The following TBC1D9 variants were observed in gnomAD, a reference collection of about 807,000 sequenced individuals.
TBC1D9 encodes TBC1 domain family member 9A.
Under a neutral mutation model 132.0 loss-of-function variants are expected in TBC1D9, and 63 were observed. The ratio of observed to expected loss-of-function variants is 0.48; its 90% confidence interval spans 0.39 to 0.59. TBC1D9 has a LOEUF of 0.59. Among genes scored for constraint, TBC1D9 ranks in the 20% least tolerant of loss-of-function variants. The pLI is 0.00. For synonymous variants in TBC1D9, 610 were observed against 609.9 expected (o/e 1.00, Z 0.00); for missense variants, 1,261 against 1,592.7 (o/e 0.79, Z 3.54).
intron 18 of TBC1D9, 40 bp from the exon 19 acceptor site, chr4:140,624,428 T>C (rs1260287965): frequency 1.3e-6 from 2 of 1,556,872 alleles, no homozygotes; most frequent in East Asian, 2.3e-5. Flanking sequence ...TAGAATGTTA[T>C]ATAATATGAC....
chr4:140,721,174 T>G (rs1160628358), intron 1 of TBC1D9, among the ~76,000 whole-genome samples: 1 of 152,162 alleles, frequency 6.6e-6, no homozygotes, highest in Admixed American at 6.5e-5. Context: ...TAAATCTTGT[T>G]TATATTCTGG....
chr4:140,651,472 A>T (rs577660714), intron 13 of TBC1D9, among the ~76,000 whole-genome samples: 1 of 152,362 alleles, frequency 6.6e-6, no homozygotes, highest in South Asian at 2.1e-4. Flanking sequence ...CAATAACAAC[A>T]AAACAATCTC....
intron 2 of TBC1D9, 91 bp from the exon 3 acceptor site, chr4:140,686,553 C>A: frequency 2.6e-6 from 2 of 776,238 alleles, no homozygotes; most frequent in Non-Finnish European, 4.3e-6. Context: ...TCTATACCAT[C>A]AAAGGAGACT....
At chr4:140,752,386 A>T (rs1738939767) in intron 1 of TBC1D9, among the ~76,000 whole-genome samples, 1 of 152,122 alleles carries the variant, frequency 6.6e-6, no homozygotes, top group African/African-American at 2.4e-5. Context: ...ACCAAAATAT[A>T]GTGTTTAGGG....
At chr4:140,632,919 A>G (rs989706083) in intron 16 of TBC1D9, among the ~76,000 whole-genome samples, 1 of 152,272 alleles carries the variant, frequency 6.6e-6, no homozygotes, top group African/African-American at 2.4e-5. Flanking sequence ...GTTCTAAAGT[A>G]TCACAACAGT....
At chr4:140,677,806 C>T (rs986586275) in intron 5 of TBC1D9, among the ~76,000 whole-genome samples, 1 of 152,176 alleles carries the variant, frequency 6.6e-6, no homozygotes, top group Non-Finnish European at 1.5e-5. Context: ...TCCATCCTCA[C>T]CTACTCTTAC....
chr4:140,731,690 C>G lies in TBC1D9; in HGVS notation c.130+24226G>C, dbSNP rs537025640. On this transcript the variant is annotated intron_variant, in intron 1 of 20. Coordinates refer to ENST00000442267, the MANE Select transcript of TBC1D9 (RefSeq NM_015130.3). ...ACATACACACACACACACACACACA[C>G]ACACCCCAAACATTTGCAGGGTACT... Among the ~76,000 whole-genome samples the G allele has an allele frequency of 7.9e-5, 12 of 151,674 alleles. No individual in the cohort carries two copies. The East Asian group carries it at 2.3e-3, about 29-fold the overall frequency.
chr4:140,718,853 T>C (rs796834215), intron 1 of TBC1D9, among the ~76,000 whole-genome samples: 23 of 152,202 alleles, frequency 1.5e-4, no homozygotes, highest in African/African-American at 5.1e-4. Context: ...CCAAGGTGGA[T>C]GGATCACTTA....
intron 13 of TBC1D9, among the ~76,000 whole-genome samples, chr4:140,655,784 A>C (rs1439733963): frequency 6.6e-6 from 1 of 152,130 alleles, no homozygotes; most frequent in Admixed American, 6.6e-5. Context: ...GCAATTTTAG[A>C]GGAATCCTAG....
At chr4:140,687,321 A>ATATGTGTGTGTG (rs1553970627) in intron 2 of TBC1D9, among the ~76,000 whole-genome samples, 2 of 97,444 alleles carry the variant, frequency 2.1e-5, no homozygotes, top group African/African-American at 3.8e-5. Flanking sequence ...ATATATATAT[A>ATATGTGTGTGTG]TGTGTGTGTG....
intron 13 of TBC1D9, among the ~76,000 whole-genome samples, chr4:140,655,168 T>C (rs146230928): frequency 1.3e-5 from 2 of 152,282 alleles, no homozygotes; most frequent in Non-Finnish European, 2.9e-5. Flanking sequence ...AAAACGCTTA[T>C]AGGATACAGT....
chr4:140,690,776 G>T (rs1175189864), intron 2 of TBC1D9, among the ~76,000 whole-genome samples: 1 of 152,142 alleles, frequency 6.6e-6, no homozygotes, highest in African/African-American at 2.4e-5. Context: ...TAAAAGTAAA[G>T]GTCCTGGTGT....
chr4:140,642,989 G>T, intron 13 of TBC1D9: 3 of 705,664 alleles, frequency 4.3e-6, no homozygotes, highest in Non-Finnish European at 4.7e-6. Flanking sequence ...GCCACATTCT[G>T]AAGTCCAGTT....
At position 140,622,561 on chromosome 4, in the gene TBC1D9, G is replaced by A; in HGVS notation, c.3435C>T (p.Ala1145=). The change falls in exon 21 of 21, where the codon GCC becomes GCT. Residue 1145 remains alanine (A), a synonymous_variant. Transcript: ENST00000442267. The stretch of plus-strand genomic sequence containing the variant: ...CGTCAGAGATCAGCATGGAGGAGCA[G>A]GCCCCGTTGTCCCGGGGCGAGGAGT... ...LEDSSPRDNG[A]CSSMLISDDD... is the part of the protein sequence containing the mutation. 1 of 1,614,060 alleles carries A rather than the reference G, an allele frequency of 6.2e-7. No individual in the cohort carries two copies. The highest frequency in any genetic ancestry group is 8.5e-7 in the Non-Finnish European group (1 of 1,179,904).
intron 1 of TBC1D9, among the ~76,000 whole-genome samples, chr4:140,715,100 G>A (rs1738313419): frequency 6.6e-6 from 1 of 152,064 alleles, no homozygotes; most frequent in Non-Finnish European, 1.5e-5. Flanking sequence ...CTCCAACCTG[G>A]GTGACAGAGT....
At chr4:140,685,724 T>C (rs1481792089) in intron 3 of TBC1D9, among the ~76,000 whole-genome samples, 1 of 152,170 alleles carries the variant, frequency 6.6e-6, no homozygotes. Context: ...GTGATAAATG[T>C]AGTGTTGTTA....
chr4:140,703,084 C>A (rs1738096999), intron 1 of TBC1D9, among the ~76,000 whole-genome samples: 1 of 152,208 alleles, frequency 6.6e-6, no homozygotes, highest in South Asian at 2.1e-4. Context: ...ATACTTTTAT[C>A]GAATTTTACC....
At chr4:140,701,648 A>AT in intron 1 of TBC1D9, 34 bp from the exon 2 acceptor site, 1 of 1,547,752 alleles carries the variant, frequency 6.5e-7, no homozygotes, top group Non-Finnish European at 8.9e-7. Flanking sequence ...ACAGGTAAGA[A>AT]TTGCCTTAGT....
Position 140,624,511 on chromosome 4 carries a change from AC to A in TBC1D9, c.2900-124del, listed in dbSNP as rs3060698. The A allele has an allele frequency of 1.1e-5, 8 of 760,198 alleles. No individual in the cohort carries two copies. In the African/African-American group the frequency reaches 1.7e-4, roughly 16 times the overall value. The allele number at this position is 760,198 out of a possible 1,614,324, so 47.1% of individuals were successfully genotyped here. ...GTTGCCTGATTTAGCAAACAAACAA[AC>A]AAAAAAAAACTCCTCAAAACAAAAC... On this transcript the variant is annotated intron_variant, in intron 18 of 20. Transcript: ENST00000442267.
Sources: allele counts gnomAD v4.1 joint callset (sites outside exome capture counted in the v4.1 genomes callset), GRCh38; gene constraint gnomAD v4.1.1; transcripts MANE v1.5; gene names NCBI Gene and HGNC (gene_info 2026-07-23, HGNC 2026-07-21).